The following ALMS1 variants were observed in gnomAD, a reference collection of about 807,000 sequenced individuals.
ALMS1 encodes the protein centrosome-associated protein ALMS1.
A neutral mutation model predicts 352.2 loss-of-function variants in ALMS1; 271 were observed. That is an observed-to-expected ratio of 0.77 (90% confidence interval 0.70 to 0.85). The LOEUF is 0.85. Ranked by LOEUF, ALMS1 falls within the 40% of genes least tolerant of loss-of-function variation. ALMS1 has a pLI of 0.00. For synonymous variants in ALMS1, 1,865 were observed against 1,761.2 expected (o/e 1.06, Z -1.48); for missense variants, 5,445 against 4,870.7 (o/e 1.12, Z -3.51).
At chr2:73,495,693 A>G (rs1673089688) in intron 10 of ALMS1, among the ~76,000 whole-genome samples, 1 of 152,154 alleles carries the variant, frequency 6.6e-6, no homozygotes, top group Non-Finnish European at 1.5e-5. Context: ...ATTTATGTGT[A>G]TACTCATATC....
At position 73,513,658 on chromosome 2, in the gene ALMS1, C is replaced by T. The variant is rs578170172; in HGVS notation, c.9540-6117C>T. ...TTCCTTCTCTACTGCAGCTCTGCCA[C>T]TCCATGTAAGGCCACCCCAGTGTGG... On this transcript the variant is annotated intron_variant, in intron 10 of 22. Coordinates refer to ENST00000613296, the MANE Select transcript of ALMS1 (RefSeq NM_001378454.1). Among the ~76,000 whole-genome samples the T allele has an allele frequency of 1.4e-4, 22 of 152,310 alleles. No individual in the cohort carries two copies. In the East Asian group the frequency reaches 3.9e-3, roughly 27 times the overall value.
chr2:73,435,196 T>C (rs559604773), intron 7 of ALMS1, among the ~76,000 whole-genome samples: 2 of 152,372 alleles, frequency 1.3e-5, no homozygotes, highest in South Asian at 2.1e-4. Flanking sequence ...TTTAAAATTC[T>C]ATCTGTTTTT....
intron 13 of ALMS1, among the ~76,000 whole-genome samples, chr2:73,554,548 A>C (rs990170281): frequency 1.1e-4 from 16 of 150,836 alleles, no homozygotes; most frequent in African/African-American, 3.9e-4. Context: ...TACTAAAAAT[A>C]CAAAAAAAAA....
intron 12 of ALMS1, among the ~76,000 whole-genome samples, chr2:73,535,640 C>G (rs1674012095): frequency 6.6e-6 from 1 of 152,170 alleles, no homozygotes; most frequent in Non-Finnish European, 1.5e-5. Flanking sequence ...TTTAAACTAT[C>G]CTGCAGCATC....
At chr2:73,595,464 G>A (rs1675527954) in intron 16 of ALMS1, among the ~76,000 whole-genome samples, 1 of 152,158 alleles carries the variant, frequency 6.6e-6, no homozygotes, top group African/African-American at 2.4e-5. Flanking sequence ...CCGTGCTGTA[G>A]TATGCATCAG....
At chr2:73,608,378 G>C in intron 21 of ALMS1, 97 bp from the exon 22 acceptor site, 1 of 950,614 alleles carries the variant, frequency 1.1e-6, no homozygotes, top group Non-Finnish European at 1.7e-6. Flanking sequence ...CTCCTGGAGA[G>C]TGGGAGGTAT....
At chr2:73,482,229 C>G (rs957752177) in intron 9 of ALMS1, among the ~76,000 whole-genome samples, 9 of 152,072 alleles carry the variant, frequency 5.9e-5, no homozygotes, top group African/African-American at 1.7e-4. Context: ...ATAGATAACT[C>G]TTATTATTTT....
intron 12 of ALMS1, 127 bp downstream of exon 12, chr2:73,535,076 C>G (rs1270662970): frequency 3.4e-6 from 4 of 1,185,586 alleles, no homozygotes; most frequent in Non-Finnish European, 5.0e-6. Context: ...CTTTTCATAC[C>G]TTGATCTCTG....
intron 7 of ALMS1, among the ~76,000 whole-genome samples, chr2:73,435,614 T>G (rs1335735188): frequency 6.6e-6 from 1 of 152,134 alleles, no homozygotes; most frequent in Non-Finnish European, 1.5e-5. Context: ...TTTTGTTTTT[T>G]TTTTTAGTCG....
At chr2:73,520,872 C>G (rs1673660892) in intron 11 of ALMS1, among the ~76,000 whole-genome samples, 1 of 152,092 alleles carries the variant, frequency 6.6e-6, no homozygotes, top group Non-Finnish European at 1.5e-5. Flanking sequence ...GGAAAATTAA[C>G]AATTAAGTTT....
rs749067384 is a variant in ALMS1, at chr2:73,451,276, G to T, written c.4749G>T (p.Gln1583His). The change falls in exon 8 of 23, where the codon CAG becomes CAT. Residue 1583 changes from glutamine to histidine, a missense_variant. Gln to His is a conservative substitution (Grantham distance 24, BLOSUM62 0). Transcript: ENST00000613296. ...FGEKPIVNYK[Q>H]AFPDGHLPEE... The stretch of plus-strand genomic sequence containing the variant: ...AGAAGCCGATTGTTAACTACAAACA[G>T]GCCTTTCCAGATGGTCATCTACCTG... 1 of 1,613,960 alleles carries T rather than the reference G, an allele frequency of 6.2e-7. No individual in the cohort carries two copies. Among genetic ancestry groups the T allele is most frequent in the South Asian group, 1.1e-5 (1 of 91,072 alleles).
chr2:73,493,813 T>C (rs951408569), intron 10 of ALMS1, among the ~76,000 whole-genome samples: 22 of 152,224 alleles, frequency 1.4e-4, no homozygotes, highest in Admixed American at 5.2e-4. Flanking sequence ...GAGATAATTT[T>C]AGACTTAGGA....
At chr2:73,533,018 C>G (rs1415508963) in intron 11 of ALMS1, among the ~76,000 whole-genome samples, 1 of 152,160 alleles carries the variant, frequency 6.6e-6, no homozygotes, top group East Asian at 1.9e-4. Flanking sequence ...CTAGAAATGT[C>G]CAGGAACTAG....
At chr2:73,432,668 A>G (rs1187200927) in intron 7 of ALMS1, among the ~76,000 whole-genome samples, 7 of 152,116 alleles carry the variant, frequency 4.6e-5, no homozygotes, top group Non-Finnish European at 1.0e-4. Flanking sequence ...AATCCCAAAC[A>G]TGTGGCCTGT....
rs184383136 is a variant in ALMS1, at chr2:73,609,232, G to A, written c.12463-336G>A. ...TTCTGGAGCAGGCCCCAGAACCCAG[G>A]CGGGTGCCTCAGGTGGAGGCCCCAG... On this transcript the variant is annotated intron_variant, in intron 22 of 22. Coordinates refer to ENST00000613296, the MANE Select transcript of ALMS1 (RefSeq NM_001378454.1). Among the ~76,000 whole-genome samples, 55 of 152,348 alleles carry A rather than the reference G, an allele frequency of 3.6e-4. 1 individual carries two copies. The highest frequency in any genetic ancestry group is 6.6e-4 in the Non-Finnish European group (45 of 68,038).
chr2:73,603,103 C>T, intron 20 of ALMS1, 138 bp from the exon 21 acceptor site: 2 of 771,920 alleles, frequency 2.6e-6, no homozygotes, highest in Admixed American at 2.0e-5. Flanking sequence ...ACTGGCTTGC[C>T]TTGGTCATTG....
intron 13 of ALMS1, among the ~76,000 whole-genome samples, chr2:73,554,879 T>C (rs1311455546): frequency 1.3e-5 from 2 of 152,186 alleles, no homozygotes; most frequent in Non-Finnish European, 2.9e-5. Context: ...TAAAAAGATA[T>C]TTTAAAAAGC....
chr2:73,396,198 A>G (rs116614177), intron 1 of ALMS1, among the ~76,000 whole-genome samples: 2,278 of 152,200 alleles, frequency 0.015, 38 homozygotes, highest in Middle Eastern at 0.024. Context: ...CAAATTATTA[A>G]TCGATGTATT....
chr2:73,505,885 G>T (rs1327202175), intron 10 of ALMS1, among the ~76,000 whole-genome samples: 2 of 152,130 alleles, frequency 1.3e-5, no homozygotes, highest in African/African-American at 4.8e-5. Context: ...GTCCTGAATG[G>T]TATTGCCTAG....
Sources: gnomAD v4.1 joint callset for allele counts (sites outside exome capture counted in the v4.1 genomes callset) on GRCh38, gnomAD v4.1.1 for gene constraint, MANE v1.5 for transcripts, NCBI Gene and HGNC (gene_info 2026-07-23, HGNC 2026-07-21) for gene names.